Variants in NTM observed in about 807,000 individuals in gnomAD.
NTM encodes the protein IgLON family member 2.
In NTM, 13 loss-of-function variants were observed where a neutral mutation model predicts 42.1. The ratio of observed to expected loss-of-function variants is 0.31; its 90% CI spans 0.20 to 0.49. The LOEUF (loss-of-function observed/expected upper bound fraction) is 0.49. NTM is among the 20% of genes least tolerant of loss of function. The pLI is 0.99. For synonymous variants in NTM, 187 were observed against 179.2 expected (o/e 1.04, Z -0.35); for missense variants, 373 against 452.8 (o/e 0.82, Z 1.60).
intron 1 of NTM, among the ~76,000 whole-genome samples, chr11:131,416,124 G>T (rs1211407183): frequency 4.0e-5 from 6 of 151,476 alleles, no homozygotes; most frequent in Admixed American, 2.0e-4. Flanking sequence ...AATTCAACTG[G>T]GTATCCTGTA....
chr11:132,169,183 C>T (rs1292610875), intron 3 of NTM, among the ~76,000 whole-genome samples: 1 of 151,870 alleles, frequency 6.6e-6, no homozygotes, highest in Non-Finnish European at 1.5e-5. Flanking sequence ...TCTCTAAGGG[C>T]CAATGGTTGA....
At chr11:131,581,070 C>T (rs1177682282) in intron 1 of NTM, among the ~76,000 whole-genome samples, 1 of 152,228 alleles carries the variant, frequency 6.6e-6, no homozygotes, top group African/African-American at 2.4e-5. Flanking sequence ...GTTTGCCACA[C>T]TCATCTTCAG....
In NTM at chr11:132,282,976, C is replaced by CTTTTTTTTTTTTTTTTT. The variant is rs142817071; in HGVS notation, c.527-24704_527-24688dup. 7.3e-3 allele frequency among the ~76,000 whole-genome samples: 795 copies of CTTTTTTTTTTTTTTTTT among 108,864 alleles called. 44 individuals carry two copies. The highest frequency in any genetic ancestry group is 0.01 in the Non-Finnish European group (583 of 55,850). 71.4% of individuals were successfully genotyped at this position (108,864 alleles called of 152,430 possible). ...AATGAAACGGGAAATTCCTTTATTCCTTTTTTTTTTTTTTTTTTTTTTTTT... is the reference window on the plus strand; with the variant it reads ...AATGAAACGGGAAATTCCTTTATTCCTTTTTTTTTTTTTTTTTTTTTTTTTTTTTTTTTTTTTTTTTT... On this transcript the variant is annotated intron_variant, in intron 4 of 8. Coordinates refer to ENST00000683400, the MANE Select transcript of NTM (RefSeq NM_001352005.2).
chr11:131,639,912 C>T (rs1329618012), intron 1 of NTM, among the ~76,000 whole-genome samples: 6 of 151,938 alleles, frequency 3.9e-5, no homozygotes, highest in African/African-American at 7.3e-5. Context: ...GCCAAGATCA[C>T]ACCACTGCAC....
chr11:132,193,941 C>T (rs1216686573), intron 3 of NTM, among the ~76,000 whole-genome samples: 1 of 151,988 alleles, frequency 6.6e-6, no homozygotes, highest in African/African-American at 2.4e-5. Context: ...CTGAACAGAC[C>T]AATAATGAGT....
At chr11:131,419,362 C>T (rs2097226270) in intron 1 of NTM, among the ~76,000 whole-genome samples, 1 of 152,212 alleles carries the variant, frequency 6.6e-6, no homozygotes, top group South Asian at 2.1e-4. Flanking sequence ...TACCACAGTG[C>T]ACATGATGAA....
intron 1 of NTM, among the ~76,000 whole-genome samples, chr11:131,766,250 AG>A (rs2085076339): frequency 6.6e-6 from 1 of 152,204 alleles, no homozygotes; most frequent in Admixed American, 6.5e-5. Context: ...GAAGCAAAGC[AG>A]GTTGCATTTT....
intron 1 of NTM, among the ~76,000 whole-genome samples, chr11:131,456,378 T>C (rs1278928529): frequency 6.6e-6 from 1 of 152,224 alleles, no homozygotes; most frequent in Non-Finnish European, 1.5e-5. Context: ...TGGTTGAGTA[T>C]GACAGGAATG....
At chr11:132,321,477 A>C (rs2095567313) in intron 7 of NTM, among the ~76,000 whole-genome samples, 1 of 152,220 alleles carries the variant, frequency 6.6e-6, no homozygotes, top group Admixed American at 6.5e-5. Context: ...AGTTTAGAGA[A>C]AAAAAGAATA....
intron 2 of NTM, among the ~76,000 whole-genome samples, chr11:131,941,386 A>T (rs1174028869): frequency 6.6e-6 from 1 of 152,174 alleles, no homozygotes; most frequent in African/African-American, 2.4e-5. Context: ...CAAAAGAGCC[A>T]TGGGGATATG....
At chr11:131,406,003 A>G (rs899376307) in intron 1 of NTM, among the ~76,000 whole-genome samples, 4 of 151,518 alleles carry the variant, frequency 2.6e-5, no homozygotes, top group Admixed American at 6.6e-5. Flanking sequence ...ATTTACTTGC[A>G]CTCCGTCCTT....
chr11:132,042,285 G>A (rs1346940637), intron 2 of NTM, among the ~76,000 whole-genome samples: 1 of 152,174 alleles, frequency 6.6e-6, no homozygotes, highest in Non-Finnish European at 1.5e-5. Context: ...CCATGTATCA[G>A]TAGAAGAATG....
At chr11:132,161,943 A>G (rs968409300) in intron 3 of NTM, among the ~76,000 whole-genome samples, 2 of 151,976 alleles carry the variant, frequency 1.3e-5, no homozygotes, top group African/African-American at 2.4e-5. Flanking sequence ...CTGCAGTTTC[A>G]CTCGTAATAG....
intron 1 of NTM, among the ~76,000 whole-genome samples, chr11:131,524,915 T>C (rs2050243442): frequency 6.6e-6 from 1 of 152,204 alleles, no homozygotes; most frequent in African/African-American, 2.4e-5. Context: ...GGGTCAATAG[T>C]TCTTGCCTAA....
intron 1 of NTM, among the ~76,000 whole-genome samples, chr11:131,456,916 C>T (rs1044172018): frequency 6.6e-6 from 1 of 152,190 alleles, no homozygotes; most frequent in South Asian, 2.1e-4. Flanking sequence ...CTTGAAATGT[C>T]TCCTCAGTTC....
chr11:131,748,551 C>G (rs548318808), intron 1 of NTM, among the ~76,000 whole-genome samples: 28 of 152,288 alleles, frequency 1.8e-4, no homozygotes, highest in African/African-American at 6.7e-4. Context: ...CTTCCATGAC[C>G]TGCCCCCTCC....
At chr11:131,438,973 T>C (rs367709206) in intron 1 of NTM, among the ~76,000 whole-genome samples, 1 of 152,220 alleles carries the variant, frequency 6.6e-6, no homozygotes, top group East Asian at 1.9e-4. Flanking sequence ...GGTTTTGGTA[T>C]GGATGTCCTT....
At chr11:131,978,037 G>A (rs2064674488) in intron 2 of NTM, among the ~76,000 whole-genome samples, 1 of 152,198 alleles carries the variant, frequency 6.6e-6, no homozygotes, top group Non-Finnish European at 1.5e-5. Context: ...ATGGTCAGAA[G>A]AAGGCTCTGT....
At chr11:131,868,723 T>G (rs1450173674) in intron 1 of NTM, among the ~76,000 whole-genome samples, 2 of 152,200 alleles carry the variant, frequency 1.3e-5, no homozygotes, top group Non-Finnish European at 2.9e-5. Context: ...TATTTCCAAA[T>G]GACTCCTCAA....
Sources: gnomAD v4.1 joint callset for allele counts (sites outside exome capture counted in the v4.1 genomes callset) on GRCh38, gnomAD v4.1.1 for gene constraint, MANE v1.5 for transcripts, NCBI Gene and HGNC (gene_info 2026-07-23, HGNC 2026-07-21) for gene names.